The following CDH1 variants were observed in gnomAD, a reference collection of about 807,000 sequenced individuals.
CDH1 encodes the protein cadherin 1, also known as cadherin-1.
A neutral mutation model predicts 84.5 loss-of-function variants in CDH1; 35 were observed. The observed-to-expected ratio is 0.41, with a 90% CI of 0.32 to 0.55. The LOEUF is 0.55. CDH1 is among the 20% of genes least tolerant of loss of function. The pLI, the probability that CDH1 is intolerant of heterozygous loss-of-function variation, is 0.19. For synonymous variants in CDH1, 417 were observed against 439.0 expected (o/e 0.95, Z 0.63); for missense variants, 994 against 1,126.6 (o/e 0.88, Z 1.68).
In CDH1 at chr16:68,835,323, C is replaced by T. The variant is rs944184810; in HGVS notation, c.*1824C>T. ...GTTTTGGAGAAAAAAATCAACCCTG[C>T]AATCACTTTTTGGAATTGTCTTGAT... On this transcript the variant is annotated 3_prime_UTR_variant, in exon 16 of 16. Transcript: ENST00000261769. 8.9e-6 allele frequency: 2 copies of T among 224,306 alleles called. No homozygotes were observed. Among genetic ancestry groups the T allele is most frequent in the African/African-American group, 4.5e-5 (2 of 44,810 alleles). The allele number at this position is 224,306 out of a possible 1,614,324, so 13.9% of individuals were successfully genotyped here.
chr16:68,765,933 G>A (rs1959367122), intron 2 of CDH1, among the ~76,000 whole-genome samples: 1 of 151,986 alleles, frequency 6.6e-6, no homozygotes, highest in African/African-American at 2.4e-5. Flanking sequence ...TTACATATGT[G>A]AGATCGTTTA....
chr16:68,809,289 C>G (rs1416278490), intron 5 of CDH1, among the ~76,000 whole-genome samples: 11 of 151,106 alleles, frequency 7.3e-5, no homozygotes, highest in African/African-American at 2.7e-4. Context: ...ACAACCTCCA[C>G]TTCCCGGGTT....
At chr16:68,806,309 C>T (rs922707310) in intron 3 of CDH1, among the ~76,000 whole-genome samples, 2 of 151,924 alleles carry the variant, frequency 1.3e-5, no homozygotes, top group African/African-American at 4.8e-5. Context: ...GCCACCATGC[C>T]CGGCTAATTT....
chr16:68,810,365 A>C (rs921160517), intron 6 of CDH1, 24 bp downstream of exon 6: 5 of 1,609,672 alleles, frequency 3.1e-6, no homozygotes, highest in Non-Finnish European at 4.3e-6. Flanking sequence ...TGAGAATCTG[A>C]ATACTCAGAA....
intron 15 of CDH1, 25 bp from the exon 16 acceptor site, chr16:68,833,265 G>T (rs748394591): frequency 1.2e-6 from 2 of 1,605,596 alleles, no homozygotes; most frequent in Admixed American, 1.7e-5. Context: ...TTCACTAAAA[G>T]ATGCTTTTGT....
chr16:68,776,194 C>A (rs1959728157), intron 2 of CDH1, among the ~76,000 whole-genome samples: 1 of 152,280 alleles, frequency 6.6e-6, no homozygotes, highest in African/African-American at 2.4e-5. Context: ...ACCATCTTGA[C>A]CAGGCTGGTC....
intron 2 of CDH1, among the ~76,000 whole-genome samples, chr16:68,755,304 A>T (rs1336773370): frequency 6.8e-6 from 1 of 146,934 alleles, no homozygotes; most frequent in Non-Finnish European, 1.5e-5. Flanking sequence ...AAAAAAAAAA[A>T]TAGAATTGGA....
At chr16:68,787,815 C>A (rs932824110) in intron 2 of CDH1, among the ~76,000 whole-genome samples, 13 of 131,866 alleles carry the variant, frequency 9.9e-5, no homozygotes, top group Admixed American at 3.1e-4. Context: ...CCCACCACCA[C>A]GCCCGGCTAA....
At chr16:68,743,631 G>T (rs963984282) in intron 2 of CDH1, among the ~76,000 whole-genome samples, 1 of 151,998 alleles carries the variant, frequency 6.6e-6, no homozygotes, top group Non-Finnish European at 1.5e-5. Context: ...CTCCCTAAGT[G>T]CTGGGATTAC....
chr16:68,830,207 C>G (rs1053904645), intron 15 of CDH1, among the ~76,000 whole-genome samples: 2 of 152,020 alleles, frequency 1.3e-5, no homozygotes, highest in Admixed American at 1.3e-4. Flanking sequence ...CCTGCCTTGG[C>G]CTCCCAAAGT....
intron 13 of CDH1, among the ~76,000 whole-genome samples, chr16:68,824,949 C>T (rs1596967597): frequency 6.6e-6 from 1 of 152,112 alleles, no homozygotes; most frequent in Non-Finnish European, 1.5e-5. Flanking sequence ...ATTATCACAG[C>T]AAATGAGAGC....
At chr16:68,741,852 G>A (rs1325928031) in intron 2 of CDH1, among the ~76,000 whole-genome samples, 1 of 152,122 alleles carries the variant, frequency 6.6e-6, no homozygotes, top group Non-Finnish European at 1.5e-5. Flanking sequence ...TGTATTTTTA[G>A]TAGAGACAGG....
At chr16:68,828,054 C>G in intron 13 of CDH1, 120 bp from the exon 14 acceptor site, 1 of 1,046,114 alleles carries the variant, frequency 9.6e-7, no homozygotes, top group Non-Finnish European at 1.5e-6. Flanking sequence ...GTATTGAAGG[C>G]AGCTAGTGGC....
In CDH1 at chr16:68,834,152, C is replaced by T. The variant is rs1961575852; in HGVS notation, c.*653C>T. ...TTTAAATATTTGAGACGGGGTCTCCCTGTGTTACCCAGGCTGGTCTCAAAC... is the reference window on the plus strand; with the variant it reads ...TTTAAATATTTGAGACGGGGTCTCCTTGTGTTACCCAGGCTGGTCTCAAAC... On this transcript the variant is annotated 3_prime_UTR_variant, in exon 16 of 16. Coordinates refer to ENST00000261769, the MANE Select transcript of CDH1 (RefSeq NM_004360.5). 1 of 471,126 alleles carries T rather than the reference C, an allele frequency of 2.1e-6. No individual in the cohort carries two copies. Among genetic ancestry groups the T allele is most frequent in the Non-Finnish European group, 4.2e-6 (1 of 237,384 alleles). 29.2% of individuals were successfully genotyped at this position (471,126 alleles called of 1,614,324 possible).
intron 13 of CDH1, among the ~76,000 whole-genome samples, chr16:68,827,762 C>T (rs1372308253): frequency 6.6e-6 from 1 of 151,998 alleles, no homozygotes; most frequent in African/African-American, 2.4e-5. Context: ...CTGAGCTCTT[C>T]TCCATGTCTC....
intron 2 of CDH1, among the ~76,000 whole-genome samples, chr16:68,747,533 C>G (rs989019207): frequency 5.9e-5 from 9 of 152,078 alleles, no homozygotes; most frequent in African/African-American, 2.2e-4. Context: ...TCCTTCCCAC[C>G]CCAAACCACG....
At chr16:68,755,780 TGAG>T (rs1963003879) in intron 2 of CDH1, among the ~76,000 whole-genome samples, 1 of 125,876 alleles carries the variant, frequency 7.9e-6, no homozygotes, top group South Asian at 2.6e-4. Flanking sequence ...TTTTTTTTTT[TGAG>T]ACAGAGTCTT....
chr16:68,764,815 C>T (rs1959321445), intron 2 of CDH1, among the ~76,000 whole-genome samples: 1 of 152,196 alleles, frequency 6.6e-6, no homozygotes, highest in South Asian at 2.1e-4. Flanking sequence ...ATCTGTTCAC[C>T]CATCATTCAC....
At chr16:68,745,282 G>C (rs1962691250) in intron 2 of CDH1, among the ~76,000 whole-genome samples, 1 of 151,304 alleles carries the variant, frequency 6.6e-6, no homozygotes, top group Admixed American at 6.6e-5. Flanking sequence ...AGGAGTTTGA[G>C]ACCAGCCTGG....
Sources: allele counts gnomAD v4.1 joint callset (sites outside exome capture counted in the v4.1 genomes callset), GRCh38; gene constraint gnomAD v4.1.1; transcripts MANE v1.5; gene names NCBI Gene and HGNC (gene_info 2026-07-23, HGNC 2026-07-21).